GTSE1: variants seen among roughly 807,000 people sequenced by gnomAD.
The protein encoded by GTSE1 is G2 and S phase-expressed protein 1.
Under a neutral mutation model 60.5 loss-of-function variants are expected in GTSE1, and 52 were observed. That is an observed-to-expected ratio of 0.86 (90% CI 0.69 to 1.08). The LOEUF is 1.08. Among genes scored for constraint, GTSE1 ranks in the 50% least tolerant of loss-of-function variants. The pLI is 0.00. For synonymous variants in GTSE1, 368 were observed against 386.5 expected (o/e 0.95, Z 0.56); for missense variants, 937 against 961.8 (o/e 0.97, Z 0.34).
Position 46,316,466 on chromosome 22 carries a change from T to A in GTSE1, c.1432+54T>A. On this transcript the variant is annotated intron_variant, in intron 7 of 11. Transcript: ENST00000454366. This position sits in a 1 kb window ranked among gnomAD's most constrained non-coding sequence, Gnocchi z 5.0. ...TTTAAAAAATACTGAAGAAATTGCA[T>A]TTAAAGTTTTAAACAATTATTGATG... 2 of 1,149,306 alleles carry A rather than the reference T, an allele frequency of 1.7e-6. No homozygotes were observed. The highest frequency in any genetic ancestry group is 4.8e-5 in the East Asian group (2 of 41,756). 71.2% of individuals were successfully genotyped at this position (1,149,306 alleles called of 1,614,324 possible). A position where few individuals can be genotyped will look rare whatever the true frequency, so the allele number is the denominator to read the frequency against.
chr22:46,307,438 T>C (rs2147816543), intron 2 of GTSE1, among the ~76,000 whole-genome samples: 1 of 152,306 alleles, frequency 6.6e-6, no homozygotes, highest in African/African-American at 2.4e-5. Flanking sequence ...TGAATGCATT[T>C]TAGATTATAT....
At position 46,316,181 on chromosome 22, in the gene GTSE1, G is replaced by A. The variant is rs1263085575; in HGVS notation, c.1201G>A (p.Asp401Asn). The A allele has an allele frequency of 3.7e-6, 6 of 1,613,516 alleles. No homozygotes were observed. The highest frequency in any genetic ancestry group is 5.1e-6 in the Non-Finnish European group (6 of 1,179,804). The change falls in exon 7 of 12, where the codon GAT becomes AAT. Residue 401 changes from aspartate (D) to asparagine (N), a missense_variant. Asp to Asn is a conservative substitution (Grantham distance 23). Coordinates refer to ENST00000454366, the MANE Select transcript of GTSE1 (RefSeq NM_016426.7). This position sits in a 1 kb window ranked among gnomAD's most constrained non-coding sequence, Gnocchi z 5.0. ...GASSWQAKRV[D>N]VSELAAEQLT... is the part of the protein sequence containing the mutation. ...ATCCTCCTGGCAGGCCAAGCGGGTC[G>A]ATGTTTCTGAGCTGGCAGCGGAGCA...
Position 46,308,759 on chromosome 22 carries a change from C to G in GTSE1, c.578C>G (p.Ser193Cys). ...LLASSPALPS[S>C]GAQARLTRAP... ...GCCTCCTCCCCGGCCCTGCCCAGCT[C>G]TGGTGCCCAGGCCCGCCTCACCCGG... The change falls in exon 4 of 12, where the codon TCT becomes TGT. Residue 193 changes from serine (S) to cysteine (C), a missense_variant. Transcript: ENST00000454366. 1 of 1,613,168 alleles carries G rather than the reference C, an allele frequency of 6.2e-7. No homozygotes were observed. The highest frequency in any genetic ancestry group is 1.3e-5 in the African/African-American group (1 of 75,064).
rs1040366161 is a variant in GTSE1 at position 46,304,362 on chromosome 22, G to C, written c.80-3788G>C. Among the ~76,000 whole-genome samples, 1 of 152,154 alleles carries C rather than the reference G, an allele frequency of 6.6e-6. No individual in the cohort carries two copies. The highest frequency in any genetic ancestry group is 1.5e-5 in the Non-Finnish European group (1 of 68,036). ...TAACTGGTAAGATCAATTTGTTCCT[G>C]TCTTTAGAAGGAATACTTCTGACGT... On this transcript the variant is annotated intron_variant, in intron 2 of 11. Transcript: ENST00000454366. This position sits in a 1 kb window ranked among gnomAD's most constrained non-coding sequence, Gnocchi z 4.4.
chr22:46,298,291 A>G (rs1195124626), intron 2 of GTSE1, among the ~76,000 whole-genome samples: 2 of 150,968 alleles, frequency 1.3e-5, no homozygotes, highest in Admixed American at 6.6e-5. Context: ...TCCCTTGGGT[A>G]GTTTTCTCAC....
At position 46,316,071 on chromosome 22, in the gene GTSE1, C is replaced by G. The variant is rs1241663445; in HGVS notation, c.1091C>G (p.Ser364Cys). The G allele has an allele frequency of 6.5e-7, 1 of 1,531,444 alleles. No homozygotes were observed. Among genetic ancestry groups the G allele is most frequent in the African/African-American group, 1.4e-5 (1 of 72,630 alleles). The allele number at this position is 1,531,444 out of a possible 1,614,324, so 94.9% of individuals were successfully genotyped here. Residue 364 changes from serine to cysteine, a missense_variant, in exon 7 of 12, where the codon TCC becomes TGC. Coordinates refer to ENST00000454366, the MANE Select transcript of GTSE1 (RefSeq NM_016426.7). This position sits in a 1 kb window ranked among gnomAD's most constrained non-coding sequence, Gnocchi z 5.0. Reference protein sequence around the residue: ...SEFASIPANSSRPLSNISKSG... With the variant: ...SEFASIPANSCRPLSNISKSG... ...TTTGCAAGTATTCCTGCAAATAGCT[C>G]CCGGCCTCTGTCAAACATCAGCAAG... is the stretch of plus-strand genomic sequence containing the variant.
chr22:46,303,328 A>G (rs963137061), intron 2 of GTSE1, among the ~76,000 whole-genome samples: 9 of 152,120 alleles, frequency 5.9e-5, no homozygotes, highest in Non-Finnish European at 1.3e-4. Context: ...GAAACGAAGT[A>G]TTTTCTTCCA....
chr22:46,323,226 G>C lies in GTSE1; in HGVS notation c.1469G>C (p.Arg490Pro), dbSNP rs369295945. The change falls in exon 8 of 12, where the codon CGG becomes CCG. Residue 490 changes from arginine (R) to proline (P), a missense_variant. Physicochemically the swap from Arg to Pro is moderately radical, Grantham distance 103. Transcript: ENST00000454366. ...GACAGCTCAACACCAAAGCTTTCGC[G>C]GGCACAGCGGCCGCAGTCGTGCACG... ...SPDSSTPKLS[R>P]AQRPQSCTSV... is the part of the protein sequence containing the mutation. The C allele has an allele frequency of 6.8e-6, 11 of 1,613,844 alleles. No individual in the cohort carries two copies. In the South Asian group the frequency reaches 9.9e-5, roughly 14 times the overall value.
At position 46,318,758 on chromosome 22, in the gene GTSE1, G is replaced by A. The variant is rs1173313211; in HGVS notation, c.1432+2346G>A. On this transcript the variant is annotated intron_variant, in intron 7 of 11. Transcript: ENST00000454366. The surrounding 1 kb of genome is among the most constrained non-coding windows in gnomAD (Gnocchi z 4.8). ...GAGCAGCATGGGGGCCGGAGGGTGGGAGTGCAGCCGCTGCGGTCGGGATTC... is the reference window on the plus strand; with the variant it reads ...GAGCAGCATGGGGGCCGGAGGGTGGAAGTGCAGCCGCTGCGGTCGGGATTC... 6.6e-6 allele frequency among the ~76,000 whole-genome samples: 1 copy of A among 152,130 alleles called. No homozygotes were observed. The highest frequency in any genetic ancestry group is 1.5e-5 in the Non-Finnish European group (1 of 68,030).
chr22:46,321,681 A>G lies in GTSE1; in HGVS notation c.1433-1509A>G, dbSNP rs2077813513. ...TCGCAAGAAGCTTCCAGCACGCTGGAAGCAGAGCTGGGTGTGGTGGGAGAC... is the reference window on the plus strand; with the variant it reads ...TCGCAAGAAGCTTCCAGCACGCTGGGAGCAGAGCTGGGTGTGGTGGGAGAC... On this transcript the variant is annotated intron_variant, in intron 7 of 11. Coordinates refer to ENST00000454366, the MANE Select transcript of GTSE1 (RefSeq NM_016426.7). The surrounding 1 kb of genome is among the most constrained non-coding windows in gnomAD (Gnocchi z 4.0). Among the ~76,000 whole-genome samples the G allele has an allele frequency of 1.3e-5, 2 of 152,204 alleles. No homozygotes were observed. The highest frequency in any genetic ancestry group is 2.9e-5 in the Non-Finnish European group (2 of 68,040).
chr22:46,308,969 C>T (rs2077733640), intron 4 of GTSE1, 26 bp downstream of exon 4: 3 of 1,581,372 alleles, frequency 1.9e-6, no homozygotes, highest in Non-Finnish European at 2.6e-6. Flanking sequence ...GAGCGCCTGC[C>T]TGGGGAGCCC....
chr22:46,325,430 T>C (rs536947659), intron 8 of GTSE1, among the ~76,000 whole-genome samples: 1 of 152,280 alleles, frequency 6.6e-6, no homozygotes, highest in African/African-American at 2.4e-5. Flanking sequence ...TCTCCTGACC[T>C]CGTGATCCAC....
In GTSE1 at chr22:46,312,152, G is replaced by A. The variant is rs749500494; in HGVS notation, c.774G>A (p.Glu258=). ...ATTAAAATTTTCAGCCCAAGAAAGA[G>A]ATTCCAGCTAGTCCTTCCAGGACAA... ...IPGAAEKPKK[E]IPASPSRTKI... Residue 258 remains glutamate (E), a synonymous_variant, in exon 5 of 12, where the codon GAG becomes GAA. Transcript: ENST00000454366. The A allele has an allele frequency of 6.2e-7, 1 of 1,612,642 alleles. No individual in the cohort carries two copies. Among genetic ancestry groups the A allele is most frequent in the Non-Finnish European group, 8.5e-7 (1 of 1,179,400 alleles).
At position 46,297,219 on chromosome 22, in the gene GTSE1, G is replaced by A. The variant is rs1186411384; in HGVS notation, c.-21-161G>A. Among the ~76,000 whole-genome samples, 2 of 152,160 alleles carry A rather than the reference G, an allele frequency of 1.3e-5. No individual in the cohort carries two copies. The highest frequency in any genetic ancestry group is 3.9e-4 in the East Asian group (2 of 5,164). ...GGCCTGGCGGCACTCGGGCCCTGGG[G>A]TCCCCTGGGATGCGATCATTTCAGA... On this transcript the variant is annotated intron_variant, in intron 1 of 11. Coordinates refer to ENST00000454366, the MANE Select transcript of GTSE1 (RefSeq NM_016426.7). This position sits in a 1 kb window ranked among gnomAD's most constrained non-coding sequence, Gnocchi z 4.9.
Position 46,329,018 on chromosome 22 carries a change from G to C in GTSE1, c.1926+129G>C. ...GCTTCATCCTGGGGCCAGTGCCTCC[G>C]TGCCAAGCAACCCAAAGGGAGGCAG... is the stretch of plus-strand genomic sequence containing the variant. On this transcript the variant is annotated intron_variant, in intron 10 of 11. Coordinates refer to ENST00000454366, the MANE Select transcript of GTSE1 (RefSeq NM_016426.7). The surrounding 1 kb of genome is among the most constrained non-coding windows in gnomAD (Gnocchi z 6.4). The C allele has an allele frequency of 4.0e-6, 3 of 744,836 alleles. No individual in the cohort carries two copies. Among genetic ancestry groups the C allele is most frequent in the Non-Finnish European group, 6.7e-6 (3 of 449,752 alleles). 46.1% of individuals were successfully genotyped at this position (744,836 alleles called of 1,614,324 possible).
chr22:46,311,031 G>GA (rs1477183999), intron 4 of GTSE1, among the ~76,000 whole-genome samples: 3 of 151,992 alleles, frequency 2.0e-5, no homozygotes, highest in African/African-American at 7.3e-5. Flanking sequence ...GAGGATGAGG[G>GA]AAAGGGGAGA....
Position 46,308,524 on chromosome 22 carries a change from A to G in GTSE1, c.343A>G (p.Ser115Gly). 2 of 1,614,254 alleles carry G rather than the reference A, an allele frequency of 1.2e-6. No homozygotes were observed. The highest frequency in any genetic ancestry group is 1.7e-6 in the Non-Finnish European group (2 of 1,180,036). The change falls in exon 4 of 12, where the codon AGC becomes GGC. Residue 115 changes from serine to glycine, a missense_variant. Coordinates refer to ENST00000454366, the MANE Select transcript of GTSE1 (RefSeq NM_016426.7). ...CTTACTGGCTTTACACATTGAGAGCAGCAGCCGGAACCAGGCAGCCCAAGC... is the reference window on the plus strand; with the variant it reads ...CTTACTGGCTTTACACATTGAGAGCGGCAGCCGGAACCAGGCAGCCCAAGC... The part of the protein sequence containing the change: ...AHLLALHIES[S>G]SRNQAAQAAK...
intron 9 of GTSE1, chr22:46,327,054 T>C (rs2077848464): frequency 5.8e-6 from 1 of 173,510 alleles, no homozygotes; most frequent in African/African-American, 2.4e-5. Context: ...AATACAAAAA[T>C]AAGCTAGGTG....
At position 46,309,292 on chromosome 22, in the gene GTSE1, G is replaced by A. The variant is rs572363542; in HGVS notation, c.762+349G>A. The stretch of plus-strand genomic sequence containing the variant: ...TGGCTGCTAGTCAGCCTCCTTGACC[G>A]TGCCTCAGTTTACACTGCATTCCTC... On this transcript the variant is annotated intron_variant, in intron 4 of 11. Coordinates refer to ENST00000454366, the MANE Select transcript of GTSE1 (RefSeq NM_016426.7). The surrounding 1 kb of genome is among the most constrained non-coding windows in gnomAD (Gnocchi z 6.2). Among the ~76,000 whole-genome samples the A allele has an allele frequency of 2.0e-5, 3 of 152,298 alleles. No homozygotes were observed. Among genetic ancestry groups the A allele is most frequent in the Admixed American group, 6.5e-5 (1 of 15,304 alleles).
Sources: gnomAD v4.1 joint callset for allele counts (sites outside exome capture counted in the v4.1 genomes callset) on GRCh38, gnomAD v4.1.1 for gene constraint, Gnocchi (gnomAD v3.1) non-coding constraint, MANE v1.5 for transcripts, NCBI Gene and HGNC (gene_info 2026-07-23, HGNC 2026-07-21) for gene names.